The following MAP3K19 variants were observed in gnomAD, a reference collection of about 807,000 sequenced individuals.
MAP3K19 encodes SPS1/STE20-related protein kinase YSK4.
In MAP3K19, 91 loss-of-function variants were observed where a neutral mutation model predicts 114.4. That is an observed-to-expected ratio of 0.80 (90% CI 0.67 to 0.95). MAP3K19 has a LOEUF of 0.95. Among genes scored for constraint, MAP3K19 ranks in the 40% least tolerant of loss-of-function variants. The pLI, the probability that MAP3K19 is intolerant of heterozygous loss-of-function variation, is 0.00. For synonymous variants in MAP3K19, 518 were observed against 530.5 expected (o/e 0.98, Z 0.32); for missense variants, 1,471 against 1,573.2 (o/e 0.94, Z 1.10).
chr2:134,964,797 A>G lies in MAP3K19; in HGVS notation c.*53T>C, dbSNP rs1573887405. 7.0e-7 allele frequency: 1 copy of G among 1,421,516 alleles called. No homozygotes were observed. Among genetic ancestry groups the G allele is most frequent in the East Asian group, 2.3e-5 (1 of 43,524 alleles). 88.1% of individuals were successfully genotyped at this position (1,421,516 alleles called of 1,614,324 possible). A position where few individuals can be genotyped will look rare whatever the true frequency, so the allele number is the denominator to read the frequency against. ...GATCCCTTAGCCATCATTCCCCACA[A>G]TTAAGCAAGGGAGCATCTGCAGTGG... is the stretch of plus-strand genomic sequence containing the variant. On this transcript the variant is annotated 3_prime_UTR_variant, in exon 13 of 13. Transcript: ENST00000392915.
chr2:135,044,578 G>C (rs7577258), intron 1 of MAP3K19, among the ~76,000 whole-genome samples: 1 of 152,004 alleles, frequency 6.6e-6, no homozygotes, highest in Admixed American at 6.5e-5. Context: ...CAACAAGAGT[G>C]AAACTCCATC....
At chr2:134,991,987 T>C (rs866149706) in intron 8 of MAP3K19, among the ~76,000 whole-genome samples, 4 of 152,094 alleles carry the variant, frequency 2.6e-5, no homozygotes, top group Admixed American at 6.5e-5. Flanking sequence ...ACTCAGGTGG[T>C]ATATTGGGTG....
intron 5 of MAP3K19, among the ~76,000 whole-genome samples, chr2:135,021,398 T>C (rs561455552): frequency 6.6e-6 from 1 of 151,840 alleles, no homozygotes; most frequent in South Asian, 2.1e-4. Flanking sequence ...CTGTAAGAAA[T>C]AAATTTCTGT....
chr2:134,977,790 C>T (rs947493605), intron 12 of MAP3K19, among the ~76,000 whole-genome samples: 1 of 152,204 alleles, frequency 6.6e-6, no homozygotes, highest in African/African-American at 2.4e-5. Flanking sequence ...GACCACTGCG[C>T]CTGGCCCATC....
intron 6 of MAP3K19, among the ~76,000 whole-genome samples, chr2:135,002,133 G>C (rs1428041901): frequency 1.3e-5 from 2 of 152,134 alleles, no homozygotes; most frequent in Non-Finnish European, 2.9e-5. Flanking sequence ...CTTGCTCTTA[G>C]CAAGTGCATT....
chr2:135,002,223 C>G (rs965505916), intron 6 of MAP3K19, among the ~76,000 whole-genome samples: 1 of 152,112 alleles, frequency 6.6e-6, no homozygotes, highest in African/African-American at 2.4e-5. Context: ...TTCAACATAG[C>G]CACGAATATA....
At chr2:134,995,763 TATTG>T (rs1399336196) in intron 8 of MAP3K19, among the ~76,000 whole-genome samples, 1 of 152,154 alleles carries the variant, frequency 6.6e-6, no homozygotes, top group Non-Finnish European at 1.5e-5. Flanking sequence ...AGACATTGAA[TATTG>T]ATTTTAAAAA....
intron 1 of MAP3K19, among the ~76,000 whole-genome samples, chr2:135,046,161 A>C (rs976522083): frequency 6.6e-6 from 1 of 152,070 alleles, no homozygotes; most frequent in African/African-American, 2.4e-5. Flanking sequence ...ACAAACCCAC[A>C]GTGCTTTTTA....
chr2:134,973,665 G>C (rs76087602), intron 12 of MAP3K19, among the ~76,000 whole-genome samples: 14,447 of 151,492 alleles, frequency 0.095, 1,117 homozygotes, highest in East Asian at 0.42. Flanking sequence ...TTGTTTGTTT[G>C]TTTCTTTCTT....
Position 135,033,712 on chromosome 2 carries a change from C to A in MAP3K19, c.-283-3212G>T, listed in dbSNP as rs1412473668. On this transcript the variant is annotated intron_variant, in intron 2 of 12. Coordinates refer to ENST00000392915, the MANE Select transcript of MAP3K19 (RefSeq NM_025052.5). ...GGCCGGGGGGGCTAACCCCCCCCAC[C>A]TCCCTCCCGGACGGGGTGGCTGGCC... Among the ~76,000 whole-genome samples, 2 of 96,412 alleles carry A rather than the reference C, an allele frequency of 2.1e-5. 1 individual carries two copies. Among genetic ancestry groups the A allele is most frequent in the East Asian group, 7.0e-4 (2 of 2,838 alleles). The allele number at this position is 96,412 out of a possible 152,430, so 63.3% of individuals were successfully genotyped here.
intron 1 of MAP3K19, among the ~76,000 whole-genome samples, chr2:135,043,718 A>G (rs1688689412): frequency 6.6e-6 from 1 of 152,206 alleles, no homozygotes; most frequent in Non-Finnish European, 1.5e-5. Flanking sequence ...AAGGTACAGA[A>G]TAGTTCCATG....
chr2:134,968,588 T>A (rs1379801282), intron 12 of MAP3K19, among the ~76,000 whole-genome samples: 1 of 140,658 alleles, frequency 7.1e-6, no homozygotes, highest in African/African-American at 2.7e-5. Context: ...TCCTCACTTC[T>A]CAGACGGGGC....
At chr2:134,997,616 C>T (rs6750601) in intron 8 of MAP3K19, among the ~76,000 whole-genome samples, 35,347 of 151,586 alleles carry the variant, frequency 0.23, 4,542 homozygotes, top group Middle Eastern at 0.61. Context: ...GTCAAGAGAT[C>T]GACACCATCC....
chr2:134,986,569 T>G lies in MAP3K19; in HGVS notation c.2303A>C (p.Gln768Pro), dbSNP rs139614326. Residue 768 changes from glutamine to proline, a missense_variant, in exon 10 of 13, where the codon CAG (glutamine) becomes CCG (proline). Gln to Pro is a moderately conservative substitution (Grantham distance 76). Coordinates refer to ENST00000392915, the MANE Select transcript of MAP3K19 (RefSeq NM_025052.5). ...NGDGISEPDW[Q>P]IKSSGNEFLS... is the part of the protein sequence containing the mutation. ...AAACTCATTTCCTGAAGACTTTATC[T>G]GCCAGTCTGGTTCTGAAATACCATC... 2 of 1,614,242 alleles carry G rather than the reference T, an allele frequency of 1.2e-6. No individual in the cohort carries two copies. Among genetic ancestry groups the G allele is most frequent in the Middle Eastern group, 1.6e-4 (1 of 6,062 alleles).
chr2:134,965,814 A>G (rs1683299919), intron 12 of MAP3K19, among the ~76,000 whole-genome samples: 1 of 152,178 alleles, frequency 6.6e-6, no homozygotes, highest in Non-Finnish European at 1.5e-5. Context: ...CTGTTATCAA[A>G]CATTAGAACT....
intron 12 of MAP3K19, among the ~76,000 whole-genome samples, chr2:134,969,757 AGTCTTATGTTTAGG>A: frequency 6.6e-6 from 1 of 152,004 alleles, no homozygotes; most frequent in Non-Finnish European, 1.5e-5. Flanking sequence ...TATAGTTTTG[AGTCTTATGTTTAGG>A]TATTTAATCA....
intron 4 of MAP3K19, among the ~76,000 whole-genome samples, chr2:135,022,856 G>A (rs1688075751): frequency 6.6e-6 from 1 of 152,068 alleles, no homozygotes; most frequent in Admixed American, 6.6e-5. Flanking sequence ...CTCTATAGTT[G>A]CCCAGGACAA....
intron 3 of MAP3K19, among the ~76,000 whole-genome samples, chr2:135,026,606 C>T (rs1006621634): frequency 6.6e-6 from 1 of 151,846 alleles, no homozygotes; most frequent in Non-Finnish European, 1.5e-5. Flanking sequence ...TAGGAAACTG[C>T]AATTGTAACA....
intron 2 of MAP3K19, among the ~76,000 whole-genome samples, chr2:135,035,882 T>C (rs1034833568): frequency 1.3e-5 from 2 of 152,206 alleles, no homozygotes; most frequent in African/African-American, 4.8e-5. Flanking sequence ...TTGCCCAGGC[T>C]GGAGTGCAAT....
Sources: gnomAD v4.1 joint callset for allele counts (sites outside exome capture counted in the v4.1 genomes callset) on GRCh38, gnomAD v4.1.1 for gene constraint, MANE v1.5 for transcripts, NCBI Gene and HGNC (gene_info 2026-07-23, HGNC 2026-07-21) for gene names.